Variants in DACH1 observed in about 807,000 individuals in gnomAD.
The protein encoded by DACH1 is dachshund family transcription factor 1.
DACH1 carries 12 observed loss-of-function variants against 54.2 expected under a neutral mutation model. That is an observed-to-expected ratio of 0.22 (90% CI 0.14 to 0.36). DACH1 has a LOEUF of 0.36. Among genes scored for constraint, DACH1 ranks in the 10% least tolerant of loss-of-function variants. The probability of loss-of-function intolerance (pLI) is 1.00; values close to 1 mark genes in which losing one functional copy is unlikely to be tolerated. For synonymous variants in DACH1, 386 were observed against 366.2 expected (o/e 1.05, Z -0.62); for missense variants, 805 against 929.8 (o/e 0.87, Z 1.75).
chr13:71,592,327 C>CA (rs904760042), intron 3 of DACH1, among the ~76,000 whole-genome samples: 1 of 150,836 alleles, frequency 6.6e-6, no homozygotes, highest in Admixed American at 6.6e-5. Flanking sequence ...GGCTGGGCAA[C>CA]AAAAAATAAT....
intron 6 of DACH1, among the ~76,000 whole-genome samples, chr13:71,511,914 T>C (rs1021480316): frequency 1.3e-5 from 2 of 151,942 alleles, no homozygotes; most frequent in African/African-American, 2.4e-5. Context: ...TCTTTACTGA[T>C]CTACTCTGGC....
At chr13:71,781,903 G>A (rs1176104202) in intron 1 of DACH1, among the ~76,000 whole-genome samples, 1 of 152,090 alleles carries the variant, frequency 6.6e-6, no homozygotes, top group Non-Finnish European at 1.5e-5. Flanking sequence ...CTTTACATAT[G>A]TTTTTAAAAT....
At chr13:71,626,476 C>T (rs1202847674) in intron 3 of DACH1, among the ~76,000 whole-genome samples, 1 of 151,900 alleles carries the variant, frequency 6.6e-6, no homozygotes, top group African/African-American at 2.4e-5. Context: ...AATTTCCAAG[C>T]AGCATTTTTT....
intron 10 of DACH1, 76 bp from the exon 11 acceptor site, chr13:71,440,768 T>C: frequency 2.5e-6 from 3 of 1,180,584 alleles, no homozygotes; most frequent in Non-Finnish European, 3.7e-6. Flanking sequence ...ATGATGTAAC[T>C]TGATATAAAA....
chr13:71,501,204 C>T (rs183533061), intron 6 of DACH1, among the ~76,000 whole-genome samples: 1 of 152,258 alleles, frequency 6.6e-6, no homozygotes, highest in East Asian at 1.9e-4. Flanking sequence ...GGCGCACTTT[C>T]CCAGGACCTC....
intron 4 of DACH1, among the ~76,000 whole-genome samples, chr13:71,568,636 T>C (rs1885029778): frequency 6.6e-6 from 1 of 152,032 alleles, no homozygotes. Flanking sequence ...TTAATGAATA[T>C]ACTTCTCACT....
intron 1 of DACH1, among the ~76,000 whole-genome samples, chr13:71,734,020 G>C (rs1208049730): frequency 6.6e-6 from 1 of 151,736 alleles, no homozygotes; most frequent in Non-Finnish European, 1.5e-5. Flanking sequence ...CTGCACTCCA[G>C]CCTGAGTGGC....
At chr13:71,491,577 A>T (rs1373835570) in intron 6 of DACH1, among the ~76,000 whole-genome samples, 1 of 152,214 alleles carries the variant, frequency 6.6e-6, no homozygotes, top group Non-Finnish European at 1.5e-5. Flanking sequence ...CAATATGTAC[A>T]TAAGAAATTA....
At chr13:71,856,130 A>G (rs1477205214) in intron 1 of DACH1, among the ~76,000 whole-genome samples, 1 of 151,970 alleles carries the variant, frequency 6.6e-6, no homozygotes, top group Non-Finnish European at 1.5e-5. Flanking sequence ...GTAGCCAAAC[A>G]GGTGTTAACA....
At chr13:71,587,046 T>G (rs61957827) in intron 3 of DACH1, among the ~76,000 whole-genome samples, 3,984 of 152,162 alleles carry the variant, frequency 0.026, 57 homozygotes, top group Middle Eastern at 0.071. Flanking sequence ...CTTTTAAAAA[T>G]TCAAAAAAGC....
chr13:71,665,276 G>A (rs1006014207), intron 2 of DACH1, among the ~76,000 whole-genome samples: 2 of 151,898 alleles, frequency 1.3e-5, no homozygotes, highest in African/African-American at 4.8e-5. Flanking sequence ...AGCTAAGTTA[G>A]AACTAAAATT....
chr13:71,712,061 C>T (rs55839208), intron 1 of DACH1, among the ~76,000 whole-genome samples: 26,941 of 151,826 alleles, frequency 0.18, 4,890 homozygotes, highest in African/African-American at 0.47. Context: ...CTATGTAATC[C>T]CCCCTTCACT....
rs1874750304 is a variant in DACH1 at position 71,866,258 on chromosome 13, G to A, written c.512C>T (p.Pro171Leu). The A allele has an allele frequency of 1.2e-6, 2 of 1,603,682 alleles. No individual in the cohort carries two copies. Among genetic ancestry groups the A allele is most frequent in the South Asian group, 1.1e-5 (1 of 89,964 alleles). ...CACTGGGGACGGGGTTGAGTACACG[G>A]GTTTCCCGGGGAGGGGGCCGCAGCT... ...SSSCGPLPGK[P>L]VYSTPSPVEN... Residue 171 changes from proline to leucine, a missense_variant, in exon 1 of 11, where the codon CCC becomes CTC. Coordinates refer to ENST00000613252, the MANE Select transcript of DACH1 (RefSeq NM_080759.6).
intron 1 of DACH1, among the ~76,000 whole-genome samples, chr13:71,782,595 A>G (rs553550452): frequency 6.6e-6 from 1 of 152,284 alleles, no homozygotes; most frequent in South Asian, 2.1e-4. Flanking sequence ...TGTTAAAGTG[A>G]ATAGTTTCTT....
chr13:71,660,294 G>A (rs1879404448), intron 2 of DACH1, among the ~76,000 whole-genome samples: 1 of 152,142 alleles, frequency 6.6e-6, no homozygotes, highest in Middle Eastern at 3.4e-3. Flanking sequence ...ATTAAATCCA[G>A]TCACCTGCTT....
intron 1 of DACH1, among the ~76,000 whole-genome samples, chr13:71,744,619 A>G (rs1018748062): frequency 1.3e-5 from 2 of 152,174 alleles, no homozygotes; most frequent in African/African-American, 4.8e-5. Flanking sequence ...AAACAGTAAG[A>G]CCATGCTGCT....
At chr13:71,810,927 G>C (rs1887683995) in intron 1 of DACH1, among the ~76,000 whole-genome samples, 1 of 152,080 alleles carries the variant, frequency 6.6e-6, no homozygotes, top group South Asian at 2.1e-4. Context: ...GTACTCATTA[G>C]TATAGATTAC....
intron 5 of DACH1, among the ~76,000 whole-genome samples, chr13:71,558,442 A>G (rs1267658730): frequency 3.3e-5 from 5 of 152,068 alleles, no homozygotes; most frequent in African/African-American, 1.2e-4. Flanking sequence ...AATTGAAAAA[A>G]GAATATTACC....
intron 6 of DACH1, among the ~76,000 whole-genome samples, chr13:71,499,132 C>G (rs1289180630): frequency 4.3e-5 from 2 of 46,160 alleles, no homozygotes; most frequent in African/African-American, 8.6e-5. Flanking sequence ...CACACACACA[C>G]GCAGACACAC....
Sources: gnomAD v4.1 joint callset for allele counts (sites outside exome capture counted in the v4.1 genomes callset) on GRCh38, gnomAD v4.1.1 for gene constraint, MANE v1.5 for transcripts, NCBI Gene and HGNC (gene_info 2026-07-23, HGNC 2026-07-21) for gene names.